FBXO4: variants seen among roughly 807,000 people sequenced by gnomAD.
FBXO4 encodes F-box only protein 4.
FBXO4 carries 36 observed loss-of-function variants against 43.7 expected under a neutral mutation model. The observed-to-expected ratio is 0.82, with a 90% CI of 0.63 to 1.09. The LOEUF is 1.09. Ranked by LOEUF, FBXO4 falls within the 50% of genes least tolerant of loss-of-function variation. The probability of loss-of-function intolerance (pLI) is 0.00; values close to 1 mark genes in which losing one functional copy is unlikely to be tolerated. For missense variants in FBXO4, 435 were observed against 474.1 expected, an observed-to-expected ratio of 0.92 and a Z score of 0.77; for synonymous variants, 180 against 165.6, an observed-to-expected ratio of 1.09 and a Z score of -0.67.
At chr5:41,970,350 G>A in the FBXO4 span, among the ~76,000 whole-genome samples, 23 of 152,076 alleles carry the variant, frequency 1.5e-4, 1 homozygote, top group African/African-American at 5.1e-4. Context: ...CATCAGGGGT[G>A]TATGAGAATT....
At chr5:41,996,360 G>T in the FBXO4 span, among the ~76,000 whole-genome samples, 1 of 152,274 alleles carries the variant, frequency 6.6e-6, no homozygotes, top group South Asian at 2.1e-4. Context: ...CCAGTAACAG[G>T]CCAAGAGCTG....
chr5:41,964,803 A>G, the FBXO4 span, among the ~76,000 whole-genome samples: 1 of 152,020 alleles, frequency 6.6e-6, no homozygotes, highest in Non-Finnish European at 1.5e-5. Flanking sequence ...AGATGAGTAG[A>G]TTGCAAAAAT....
At chr5:41,984,459 C>A in the FBXO4 span, among the ~76,000 whole-genome samples, 1 of 152,110 alleles carries the variant, frequency 6.6e-6, no homozygotes, top group East Asian at 1.9e-4. Flanking sequence ...GGTAGTTGGT[C>A]ATGTGTTATA....
chr5:41,968,083 T>A, the FBXO4 span: 1 of 351,880 alleles, frequency 2.8e-6, no homozygotes, highest in Non-Finnish European at 5.9e-6. Flanking sequence ...TTCATTTAGT[T>A]GGCAATGGGT....
the FBXO4 span, among the ~76,000 whole-genome samples, chr5:41,954,035 A>G: frequency 6.6e-6 from 1 of 152,198 alleles, no homozygotes; most frequent in African/African-American, 2.4e-5. Context: ...TGGCCCTTCA[A>G]AGTGTTGAGG....
At chr5:42,038,441 T>G in the FBXO4 span, among the ~76,000 whole-genome samples, 1 of 152,098 alleles carries the variant, frequency 6.6e-6, no homozygotes, top group African/African-American at 2.4e-5. Context: ...GGAACTGGTT[T>G]TATTTTCTAT....
rs528723765 is a variant in FBXO4, at chr5:41,934,198, A to G, written c.788A>G (p.Asn263Ser). ...GTTAACAAGATGTTCAGTCGACACA[A>G]TGAAGGTGATGATCAACAAGGAAGC... is the stretch of plus-strand genomic sequence containing the variant. ...SAVNKMFSRHNEGDDQQGSRY... is the reference protein window; with the variant it reads ...SAVNKMFSRHSEGDDQQGSRY... Residue 263 changes from asparagine to serine, a missense_variant, in exon 5 of 7, where the codon AAT (asparagine) becomes AGT (serine). By Grantham distance (46) the Asn-to-Ser change is conservative. Transcript: ENST00000281623. 7.4e-6 allele frequency: 12 copies of G among 1,614,152 alleles called. No homozygotes were observed. The African/African-American group carries it at 1.1e-4, about 14-fold the overall frequency.
chr5:41,977,146 C>T, the FBXO4 span, among the ~76,000 whole-genome samples: 1 of 152,170 alleles, frequency 6.6e-6, no homozygotes, highest in Non-Finnish European at 1.5e-5. Flanking sequence ...GGCCTATAAA[C>T]CTGTGATGTG....
chr5:41,978,657 G>A, the FBXO4 span, among the ~76,000 whole-genome samples: 1 of 151,942 alleles, frequency 6.6e-6, no homozygotes, highest in African/African-American at 2.4e-5. Flanking sequence ...TTTATTTAGT[G>A]GCCAAGTTTT....
At chr5:42,016,241 G>A in the FBXO4 span, among the ~76,000 whole-genome samples, 3 of 152,060 alleles carry the variant, frequency 2.0e-5, no homozygotes, top group Admixed American at 6.6e-5. Flanking sequence ...AGACAGAGGT[G>A]GCATGTTGCT....
At chr5:42,031,888 G>A in the FBXO4 span, among the ~76,000 whole-genome samples, 3 of 151,924 alleles carry the variant, frequency 2.0e-5, no homozygotes, top group Non-Finnish European at 4.4e-5. Flanking sequence ...ATCTGCATTA[G>A]GAAGCATCGT....
chr5:41,933,167 A>G (rs1751743473), intron 3 of FBXO4, among the ~76,000 whole-genome samples: 1 of 152,226 alleles, frequency 6.6e-6, no homozygotes, highest in African/African-American at 2.4e-5. Flanking sequence ...TCTAAATTTC[A>G]GTATCTTCAG....
At chr5:41,952,611 A>G in the FBXO4 span, among the ~76,000 whole-genome samples, 1 of 152,114 alleles carries the variant, frequency 6.6e-6, no homozygotes, top group African/African-American at 2.4e-5. Context: ...TAAATACCCT[A>G]TCTTCCCATG....
In FBXO4 at chr5:41,941,351, C is replaced by T. The variant is rs1752001032; in HGVS notation, c.*70C>T. Reference sequence around the variant, plus strand: ...ACTAAGGTCGTGATGTGAATATTTGCTCAGTCAGCCCACCTTGTCCTGCCT... The same window carrying T: ...ACTAAGGTCGTGATGTGAATATTTGTTCAGTCAGCCCACCTTGTCCTGCCT... On this transcript the variant is annotated 3_prime_UTR_variant, in exon 7 of 7. Transcript: ENST00000281623. 3.0e-6 allele frequency: 4 copies of T among 1,349,270 alleles called. No homozygotes were observed. Among genetic ancestry groups the T allele is most frequent in the African/African-American group, 2.9e-5 (2 of 69,672 alleles). The allele number at this position is 1,349,270 out of a possible 1,614,324, so 83.6% of individuals were successfully genotyped here. A position where few individuals can be genotyped will look rare whatever the true frequency, so the allele number is the denominator to read the frequency against.
chr5:41,958,356 G>A, the FBXO4 span, among the ~76,000 whole-genome samples: 2 of 152,114 alleles, frequency 1.3e-5, no homozygotes, highest in South Asian at 2.1e-4. Context: ...GGATGGTCTC[G>A]ATCTCCTGAC....
At chr5:41,941,821 A>G (rs1282863271), downstream of FBXO4, 1 of 152,478 alleles carries the variant, frequency 6.6e-6, no homozygotes, top group Non-Finnish European at 1.5e-5. Flanking sequence ...AGCTTATATC[A>G]TATTTAATAC....
intron 3 of FBXO4, among the ~76,000 whole-genome samples, chr5:41,933,536 C>G (rs540477286): frequency 7.9e-5 from 12 of 152,202 alleles, no homozygotes; most frequent in African/African-American, 2.9e-4. Context: ...AATTTAAAAA[C>G]AGCTTTTCAG....
At chr5:42,002,610 T>C in the FBXO4 span, among the ~76,000 whole-genome samples, 1 of 152,190 alleles carries the variant, frequency 6.6e-6, no homozygotes, top group Non-Finnish European at 1.5e-5. Context: ...ATATGTGTGA[T>C]AAGAGAGATG....
chr5:41,992,659 T>C, the FBXO4 span, among the ~76,000 whole-genome samples: 2 of 152,232 alleles, frequency 1.3e-5, no homozygotes, highest in Non-Finnish European at 2.9e-5. Flanking sequence ...CAATGGCCGG[T>C]TATTTCATTG....
Sources: gnomAD v4.1 joint callset for allele counts (sites outside exome capture counted in the v4.1 genomes callset) on GRCh38, gnomAD v4.1.1 for gene constraint, MANE v1.5 for transcripts, NCBI Gene and HGNC (gene_info 2026-07-23, HGNC 2026-07-21) for gene names.